ADCY2: variants seen among roughly 807,000 people sequenced by gnomAD.
ADCY2 encodes the protein adenylate cyclase type 2.
Under a neutral mutation model 125.2 loss-of-function variants are expected in ADCY2, and 31 were observed. That is an observed-to-expected ratio of 0.25 (90% CI 0.19 to 0.33). ADCY2 has a LOEUF of 0.33. ADCY2 is among the 10% of genes least tolerant of loss of function. The pLI is 1.00. For missense variants in ADCY2, 904 were observed against 1,418.2 expected, an observed-to-expected ratio of 0.64 and a Z score of 5.82; for synonymous variants, 512 against 548.4, an observed-to-expected ratio of 0.93 and a Z score of 0.93.
At chr5:7,618,872 A>G (rs560038822) in intron 3 of ADCY2, among the ~76,000 whole-genome samples, 1 of 152,268 alleles carries the variant, frequency 6.6e-6, no homozygotes, top group African/African-American at 2.4e-5. Flanking sequence ...TGTTGTTTTA[A>G]TTGGTGTATA....
At chr5:7,570,822 G>A (rs1003689570) in intron 3 of ADCY2, among the ~76,000 whole-genome samples, 2 of 152,218 alleles carry the variant, frequency 1.3e-5, no homozygotes, top group Non-Finnish European at 2.9e-5. Flanking sequence ...GTAAAACTCT[G>A]ATGCTATTTA....
At chr5:7,499,780 T>C (rs535646039) in intron 2 of ADCY2, among the ~76,000 whole-genome samples, 2 of 148,854 alleles carry the variant, frequency 1.3e-5, no homozygotes, top group Non-Finnish European at 3.0e-5. Flanking sequence ...ATAAGTATAA[T>C]GAAAAAGCAA....
chr5:7,554,050 A>C (rs980262957), intron 3 of ADCY2, among the ~76,000 whole-genome samples: 2 of 152,200 alleles, frequency 1.3e-5, no homozygotes, highest in Non-Finnish European at 1.5e-5. Context: ...TCAGCCATTC[A>C]AGCATCTTGT....
Position 7,685,759 on chromosome 5 carries a change from G to A in ADCY2, c.721-4932G>A, listed in dbSNP as rs112639343. Among the ~76,000 whole-genome samples, 1,344 of 152,288 alleles carry A rather than the reference G, an allele frequency of 8.8e-3. 6 individuals carry two copies. The highest frequency in any genetic ancestry group is 0.011 in the Non-Finnish European group (777 of 68,032). ...TGGAGCCTGCTGCAAAGGAAGATGC[G>A]TGATAGGAGCTGGGGGAGGTGCAGC... On this transcript the variant is annotated intron_variant, in intron 4 of 24. Transcript: ENST00000338316.
chr5:7,418,078 T>C (rs1740025965), intron 2 of ADCY2, among the ~76,000 whole-genome samples: 1 of 152,226 alleles, frequency 6.6e-6, no homozygotes, highest in Non-Finnish European at 1.5e-5. Context: ...CATGCTTGTA[T>C]CATAGTCATT....
chr5:7,659,475 G>A (rs1739453035), intron 4 of ADCY2, among the ~76,000 whole-genome samples: 1 of 152,142 alleles, frequency 6.6e-6, no homozygotes, highest in South Asian at 2.1e-4. Context: ...TGGTTAAATT[G>A]ACACCAAACT....
intron 7 of ADCY2, among the ~76,000 whole-genome samples, chr5:7,705,069 G>T (rs761295785): frequency 2.6e-5 from 4 of 152,106 alleles, no homozygotes; most frequent in Non-Finnish European, 5.9e-5. Context: ...CTCTCTGCTG[G>T]CCTATTTTGG....
At chr5:7,584,781 T>C (rs1475380542) in intron 3 of ADCY2, among the ~76,000 whole-genome samples, 1 of 152,170 alleles carries the variant, frequency 6.6e-6, no homozygotes, top group African/African-American at 2.4e-5. Context: ...TTTACAAATA[T>C]ATACAATACT....
At chr5:7,684,480 A>G (rs1264895852) in intron 4 of ADCY2, among the ~76,000 whole-genome samples, 1 of 152,246 alleles carries the variant, frequency 6.6e-6, no homozygotes, top group Non-Finnish European at 1.5e-5. Flanking sequence ...GTTTAGAAAT[A>G]CCAATTTACT....
intron 3 of ADCY2, among the ~76,000 whole-genome samples, chr5:7,537,494 C>G (rs939941136): frequency 1.3e-5 from 2 of 152,182 alleles, no homozygotes; most frequent in Non-Finnish European, 2.9e-5. Flanking sequence ...CTCCATCACA[C>G]TCACCCCTCC....
chr5:7,772,965 T>G lies in ADCY2; in HGVS notation c.2248T>G (p.Ser750Ala), dbSNP rs1390418559. 1 of 1,614,180 alleles carries G rather than the reference T, an allele frequency of 6.2e-7. No homozygotes were observed. The highest frequency in any genetic ancestry group is 8.5e-7 in the Non-Finnish European group (1 of 1,180,032). Residue 750 changes from serine to alanine, a missense_variant, in exon 18 of 25, where the codon TCC (serine) becomes GCC (alanine). Ser to Ala is a moderately conservative substitution (Grantham distance 99, BLOSUM62 1). This residue lies in a region of ADCY2 where 221 missense variants were observed against 246.2 expected (regional missense o/e 0.90). Transcript: ENST00000338316. ...FIYSCILGLISCSVFLRVNYE... is the reference protein window; with the variant it reads ...FIYSCILGLIACSVFLRVNYE... ...CTACAGCTGCATTCTGGGACTGATATCCTGTTCCGTGTTCCTGCGGGTAAA... is the reference window on the plus strand; with the variant it reads ...CTACAGCTGCATTCTGGGACTGATAGCCTGTTCCGTGTTCCTGCGGGTAAA...
At chr5:7,568,779 A>G (rs1735985951) in intron 3 of ADCY2, among the ~76,000 whole-genome samples, 1 of 152,176 alleles carries the variant, frequency 6.6e-6, no homozygotes, top group South Asian at 2.1e-4. Flanking sequence ...ATTCTATTCA[A>G]CTGACAACTG....
At chr5:7,820,480 TA>T (rs1227636034) in intron 23 of ADCY2, 84 bp from the exon 24 acceptor site, 1 of 1,503,834 alleles carries the variant, frequency 6.6e-7, no homozygotes, top group Non-Finnish European at 8.9e-7. Context: ...GGTGACAGAA[TA>T]AGACCCCATC....
At chr5:7,423,384 C>T (rs903709583) in intron 2 of ADCY2, among the ~76,000 whole-genome samples, 12 of 152,198 alleles carry the variant, frequency 7.9e-5, no homozygotes, top group Admixed American at 4.6e-4. Flanking sequence ...TGAATTGTAG[C>T]TCCCATAGTC....
chr5:7,486,751 T>C, intron 2 of ADCY2, among the ~76,000 whole-genome samples: 1 of 152,148 alleles, frequency 6.6e-6, no homozygotes, highest in East Asian at 1.9e-4. Flanking sequence ...TTGGAGCACA[T>C]ACTGCCATTG....
rs534680474 is a variant in ADCY2, at chr5:7,631,926, C to T, written c.720+5610C>T. Among the ~76,000 whole-genome samples the T allele has an allele frequency of 2.6e-5, 4 of 152,278 alleles. No homozygotes were observed. In the South Asian group the frequency reaches 8.3e-4, roughly 32 times the overall value. On this transcript the variant is annotated intron_variant, in intron 4 of 24. Transcript: ENST00000338316. ...TTTACCTTTTGCCAATGAAACGGACCTTACGAGGACTCATCAATGACAAGA... is the reference window on the plus strand; with the variant it reads ...TTTACCTTTTGCCAATGAAACGGACTTTACGAGGACTCATCAATGACAAGA...
chr5:7,508,434 A>G (rs1185871381), intron 2 of ADCY2, among the ~76,000 whole-genome samples: 1 of 152,100 alleles, frequency 6.6e-6, no homozygotes, highest in African/African-American at 2.4e-5. Flanking sequence ...GGAAGGATGA[A>G]CTCCAGAATT....
chr5:7,642,508 A>G (rs918510640), intron 4 of ADCY2, among the ~76,000 whole-genome samples: 4 of 152,004 alleles, frequency 2.6e-5, no homozygotes, highest in Non-Finnish European at 4.4e-5. Context: ...CTATTGCTGT[A>G]CAGAAGCTCT....
chr5:7,509,415 ACAGT>A (rs1172774477), intron 2 of ADCY2, among the ~76,000 whole-genome samples: 3 of 152,228 alleles, frequency 2.0e-5, no homozygotes, highest in Non-Finnish European at 2.9e-5. Flanking sequence ...GCTGGAGAAG[ACAGT>A]CAGCCGTCTG....
Sources: allele counts gnomAD v4.1 joint callset (sites outside exome capture counted in the v4.1 genomes callset), GRCh38; gene constraint gnomAD v4.1.1; regional missense constraint gnomAD v4.1.1; transcripts MANE v1.5; gene names NCBI Gene and HGNC (gene_info 2026-07-23, HGNC 2026-07-21).